KCNT2: variants seen among roughly 807,000 people sequenced by gnomAD.
The protein encoded by KCNT2 is potassium channel subfamily T member 2.
KCNT2 carries 67 observed loss-of-function variants against 153.8 expected under a neutral mutation model. The observed-to-expected ratio is 0.44, with a 90% CI of 0.36 to 0.53. KCNT2 has a LOEUF of 0.53. KCNT2 is among the 20% of genes least tolerant of loss of function. The pLI, the probability that KCNT2 is intolerant of heterozygous loss-of-function variation, is 0.00. For missense variants in KCNT2, 975 were observed against 1,354.8 expected, an observed-to-expected ratio of 0.72 and a Z score of 4.40; for synonymous variants, 500 against 458.8, an observed-to-expected ratio of 1.09 and a Z score of -1.15.
intron 1 of KCNT2, among the ~76,000 whole-genome samples, chr1:196,494,063 C>A (rs1289929770): frequency 6.6e-6 from 1 of 152,174 alleles, no homozygotes; most frequent in Non-Finnish European, 1.5e-5. Flanking sequence ...CCCTACACAT[C>A]TACGTACATA....
At chr1:196,491,716 G>T (rs1214683112) in intron 2 of KCNT2, among the ~76,000 whole-genome samples, 1 of 151,902 alleles carries the variant, frequency 6.6e-6, no homozygotes, top group Non-Finnish European at 1.5e-5. Flanking sequence ...TTTGTCTGAT[G>T]ATAGGAATCA....
chr1:196,344,474 C>T (rs886942972), intron 14 of KCNT2, among the ~76,000 whole-genome samples: 5 of 152,082 alleles, frequency 3.3e-5, no homozygotes, highest in Admixed American at 1.3e-4. Context: ...GTGGAAAAAA[C>T]GTTCCCTTTG....
At chr1:196,495,446 C>G (rs902449142) in intron 1 of KCNT2, among the ~76,000 whole-genome samples, 6 of 151,950 alleles carry the variant, frequency 3.9e-5, no homozygotes, top group African/African-American at 1.5e-4. Flanking sequence ...ATAATCTCAC[C>G]GCTTCCTTTT....
At chr1:196,368,620 T>C (rs749428816) in intron 14 of KCNT2, among the ~76,000 whole-genome samples, 1 of 152,160 alleles carries the variant, frequency 6.6e-6, no homozygotes, top group Non-Finnish European at 1.5e-5. Flanking sequence ...TCTAGAATCA[T>C]CTATGTTGTT....
intron 11 of KCNT2, among the ~76,000 whole-genome samples, chr1:196,423,798 A>G (rs1207717967): frequency 1.3e-5 from 2 of 151,836 alleles, no homozygotes; most frequent in Non-Finnish European, 2.9e-5. Context: ...GACCAAACCA[A>G]ACAGTTCTGG....
Position 196,226,737 on chromosome 1 carries a change from T to C in KCNT2, c.*1487A>G, listed in dbSNP as rs1653518286. 1 of 152,010 alleles carries C rather than the reference T, an allele frequency of 6.6e-6. No individual in the cohort carries two copies. 9.4% of individuals were successfully genotyped at this position (152,010 alleles called of 1,614,324 possible). Reference sequence around the variant, plus strand: ...AATATCTTTTCTTTAAAAATTTTATTATCCTTTAAGTTGATCTGCTTCATT... The same window carrying C: ...AATATCTTTTCTTTAAAAATTTTATCATCCTTTAAGTTGATCTGCTTCATT... On this transcript the variant is annotated 3_prime_UTR_variant, in exon 28 of 28. Coordinates refer to ENST00000294725, the MANE Select transcript of KCNT2 (RefSeq NM_198503.5).
intron 1 of KCNT2, among the ~76,000 whole-genome samples, chr1:196,545,832 ACT>A (rs1405789267): frequency 6.7e-6 from 1 of 148,806 alleles, no homozygotes; most frequent in East Asian, 2.0e-4. Flanking sequence ...TTTATGTCTG[ACT>A]CTTCTCATTG....
intron 13 of KCNT2, among the ~76,000 whole-genome samples, chr1:196,391,214 A>T (rs1229477074): frequency 1.3e-5 from 2 of 151,426 alleles, no homozygotes; most frequent in African/African-American, 4.8e-5. Context: ...ACAGGGTGAC[A>T]GGTAAAGGCA....
At chr1:196,520,246 A>T (rs1653175860) in intron 1 of KCNT2, among the ~76,000 whole-genome samples, 1 of 152,150 alleles carries the variant, frequency 6.6e-6, no homozygotes, top group South Asian at 2.1e-4. Flanking sequence ...GCTTTTGATA[A>T]AATTCAACAT....
At chr1:196,518,030 T>A (rs1356107892) in intron 1 of KCNT2, among the ~76,000 whole-genome samples, 1 of 152,174 alleles carries the variant, frequency 6.6e-6, no homozygotes, top group East Asian at 1.9e-4. Flanking sequence ...GCAGGTCACA[T>A]ACATAGGAAA....
intron 14 of KCNT2, among the ~76,000 whole-genome samples, chr1:196,362,347 CA>C (rs1336974515): frequency 6.6e-6 from 1 of 152,040 alleles, no homozygotes; most frequent in Non-Finnish European, 1.5e-5. Flanking sequence ...TGATAAATGA[CA>C]ATGGATTTTT....
At chr1:196,502,307 C>A (rs1680769068) in intron 1 of KCNT2, among the ~76,000 whole-genome samples, 1 of 152,042 alleles carries the variant, frequency 6.6e-6, no homozygotes, top group Non-Finnish European at 1.5e-5. Context: ...ATACTCAACA[C>A]CTTTAGTCAG....
At chr1:196,424,519 G>A (rs1052219930) in intron 11 of KCNT2, among the ~76,000 whole-genome samples, 15 of 151,860 alleles carry the variant, frequency 9.9e-5, no homozygotes, top group Non-Finnish European at 1.9e-4. Flanking sequence ...TTTACCTGAG[G>A]TGCTGGGAAA....
intron 1 of KCNT2, among the ~76,000 whole-genome samples, chr1:196,535,843 G>A (rs1655490007): frequency 6.6e-6 from 1 of 152,202 alleles, no homozygotes; most frequent in Admixed American, 6.5e-5. Context: ...AGCTCACATG[G>A]GTGATCATCT....
At chr1:196,315,748 A>G in intron 21 of KCNT2, 144 bp downstream of exon 21, 2 of 710,062 alleles carry the variant, frequency 2.8e-6, no homozygotes, top group Non-Finnish European at 4.4e-6. Flanking sequence ...GTCATGCTCA[A>G]TAAACATTTA....
At chr1:196,305,401 T>C in intron 21 of KCNT2, 56 bp from the exon 22 acceptor site, 1 of 946,172 alleles carries the variant, frequency 1.1e-6, no homozygotes, top group Non-Finnish European at 1.7e-6. Context: ...GTATTTTTTA[T>C]AACAACATAT....
At chr1:196,418,718 C>A (rs1672950746) in intron 12 of KCNT2, among the ~76,000 whole-genome samples, 1 of 152,070 alleles carries the variant, frequency 6.6e-6, no homozygotes, top group South Asian at 2.1e-4. Flanking sequence ...TTAGAGCCCA[C>A]CCTAATGGCT....
At position 196,429,640 on chromosome 1, in the gene KCNT2, T is replaced by C; in HGVS notation, c.756A>G (p.Thr252=). ...CAACTACAAAAAGCTTGGAGGACCA[T>C]GTTTCAGGAGTGACATCCCCGAAGC... The part of the protein sequence containing the change: ...TVGFGDVTPE[T]WSSKLFVVAM... The change falls in exon 9 of 28, where the codon ACA becomes ACG. Residue 252 remains threonine (T), a synonymous_variant. Transcript: ENST00000294725. The C allele has an allele frequency of 1.2e-5, 19 of 1,613,068 alleles. No individual in the cohort carries two copies. Among genetic ancestry groups the C allele is most frequent in the Non-Finnish European group, 1.6e-5 (19 of 1,179,432 alleles).
intron 10 of KCNT2, among the ~76,000 whole-genome samples, chr1:196,427,139 TATAA>T (rs1276631324): frequency 1.3e-5 from 2 of 151,836 alleles, no homozygotes. Flanking sequence ...ATTAATTAAA[TATAA>T]ATAATTAAAA....
Sources: gnomAD v4.1 joint callset for allele counts (sites outside exome capture counted in the v4.1 genomes callset) on GRCh38, gnomAD v4.1.1 for gene constraint, MANE v1.5 for transcripts, NCBI Gene and HGNC (gene_info 2026-07-23, HGNC 2026-07-21) for gene names.